The following C10orf88 variants were observed in gnomAD, a reference collection of about 807,000 sequenced individuals.
C10orf88 encodes ATPase PAAT.
C10orf88 carries 29 observed loss-of-function variants against 34.2 expected under a neutral mutation model. The ratio of observed to expected loss-of-function variants is 0.85; its 90% CI spans 0.63 to 1.16. The LOEUF (loss-of-function observed/expected upper bound fraction) is 1.16. Among genes scored for constraint, C10orf88 ranks in the 50% most tolerant of loss-of-function variants. The pLI, the probability that C10orf88 is intolerant of heterozygous loss-of-function variation, is 0.00. For missense variants in C10orf88, 507 were observed against 533.2 expected (o/e 0.95, Z 0.48); for synonymous variants, 194 against 197.4 (o/e 0.98, Z 0.15).
chr10:122,952,469 C>G (rs760228815), intron 2 of C10orf88, among the ~76,000 whole-genome samples: 1 of 152,222 alleles, frequency 6.6e-6, no homozygotes, highest in Non-Finnish European at 1.5e-5. Flanking sequence ...AAAATGTATT[C>G]AAAGTTCCAG....
At chr10:122,945,152 A>T (rs1393370976) in intron 4 of C10orf88, among the ~76,000 whole-genome samples, 2 of 151,992 alleles carry the variant, frequency 1.3e-5, no homozygotes. Context: ...CAATGGACCC[A>T]CATATGACAG....
In C10orf88 at chr10:122,951,994, T is replaced by A. The variant is rs964804729; in HGVS notation, c.401A>T (p.Asn134Ile). 1.2e-5 allele frequency: 19 copies of A among 1,531,560 alleles called. No homozygotes were observed. Among genetic ancestry groups the A allele is most frequent in the Admixed American group, 1.8e-5 (1 of 56,866 alleles). 94.9% of individuals were successfully genotyped at this position (1,531,560 alleles called of 1,614,324 possible). A position where few individuals can be genotyped will look rare whatever the true frequency, so the allele number is the denominator to read the frequency against. Residue 134 changes from asparagine (N) to isoleucine (I), a missense_variant, in exon 3 of 6, where the codon AAT becomes ATT. Coordinates refer to ENST00000481909, the MANE Select transcript of C10orf88 (RefSeq NM_024942.4). ...ATGTGTGGAGGACTCCAATTTTAGA[T>A]TTTTTTTATACAAAATGATCTTTTC... ...EHEKIILYKK[N>I]LKLESSTHAC...
chr10:122,951,967 G>C lies in C10orf88; in HGVS notation c.428C>G (p.Ala143Gly), dbSNP rs562776319. ...CTGACAACTTACCTTTATTTTACAAGCATGTGTGGAGGACTCCAATTTTAG... is the reference window on the plus strand; with the variant it reads ...CTGACAACTTACCTTTATTTTACAACCATGTGTGGAGGACTCCAATTTTAG... The part of the protein sequence containing the change: ...KNLKLESSTH[A>G]CKIKLLSFGE... The change falls in exon 3 of 6, where the codon GCT (alanine) becomes GGT (glycine). Residue 143 changes from alanine to glycine, a missense_variant. By Grantham distance (60) the Ala-to-Gly change is moderately conservative. Coordinates refer to ENST00000481909, the MANE Select transcript of C10orf88 (RefSeq NM_024942.4). 1.3e-6 allele frequency: 2 copies of C among 1,544,904 alleles called. No homozygotes were observed. The highest frequency in any genetic ancestry group is 4.5e-5 in the East Asian group (2 of 44,304).
intron 4 of C10orf88, among the ~76,000 whole-genome samples, chr10:122,945,950 A>T (rs543514642): frequency 1.4e-4 from 21 of 152,114 alleles, no homozygotes; most frequent in Non-Finnish European, 2.5e-4. Flanking sequence ...TAAAAAAATT[A>T]GTCTGGTGTG....
chr10:122,934,112 T>C (rs1848511511), intron 5 of C10orf88, among the ~76,000 whole-genome samples: 1 of 152,182 alleles, frequency 6.6e-6, no homozygotes, highest in African/African-American at 2.4e-5. Flanking sequence ...GTTGCAAAGA[T>C]ATTAGTTTCT....
chr10:122,936,545 T>C (rs952501758), intron 5 of C10orf88, among the ~76,000 whole-genome samples: 2 of 151,958 alleles, frequency 1.3e-5, no homozygotes, highest in Non-Finnish European at 2.9e-5. Flanking sequence ...TATAGGACTA[T>C]TCAGATTATT....
intron 5 of C10orf88, among the ~76,000 whole-genome samples, chr10:122,936,868 G>A (rs1848537886): frequency 6.6e-6 from 1 of 151,800 alleles, no homozygotes; most frequent in Admixed American, 6.6e-5. Flanking sequence ...TCTTGAATTT[G>A]GTCAGATTTG....
intron 3 of C10orf88, among the ~76,000 whole-genome samples, 178 bp downstream of exon 3, chr10:122,951,776 G>C (rs149989415): frequency 6.6e-6 from 1 of 152,002 alleles, no homozygotes; most frequent in Admixed American, 6.5e-5. Context: ...GTTGCAGTGA[G>C]CCATGATTGT....
intron 4 of C10orf88, among the ~76,000 whole-genome samples, chr10:122,940,532 T>G (rs1848572609): frequency 6.6e-6 from 1 of 152,044 alleles, no homozygotes; most frequent in Non-Finnish European, 1.5e-5. Context: ...TTTAAAAATT[T>G]GTTAAGAGGG....
Position 122,954,078 on chromosome 10 carries a change from G to A in C10orf88, c.101C>T (p.Thr34Ile), listed in dbSNP as rs776640776. 4 of 1,565,138 alleles carry A rather than the reference G, an allele frequency of 2.6e-6. No homozygotes were observed. The highest frequency in any genetic ancestry group is 2.6e-6 in the Non-Finnish European group (3 of 1,158,796). Residue 34 changes from threonine (T) to isoleucine (I), a missense_variant, in exon 1 of 6, where the codon ACC becomes ATC. Thr to Ile is a moderately conservative substitution (Grantham distance 89). Coordinates refer to ENST00000481909, the MANE Select transcript of C10orf88 (RefSeq NM_024942.4). Reference sequence around the variant, plus strand: ...GTCACCGGGGCCGAGACCGGCCCGGGTGAGGAGGAGGCTGTGGGTCAGGGC... The same window carrying A: ...GTCACCGGGGCCGAGACCGGCCCGGATGAGGAGGAGGCTGTGGGTCAGGGC... Reference protein sequence around the residue: ...GGALTHSLLLTRAGLGPGDFD... With the variant: ...GGALTHSLLLIRAGLGPGDFD...
chr10:122,940,384 A>G (rs1848571346), intron 4 of C10orf88, among the ~76,000 whole-genome samples: 2 of 151,986 alleles, frequency 1.3e-5, no homozygotes, highest in African/African-American at 4.8e-5. Context: ...AGAGAGTAGA[A>G]TGGTGGTTGC....
At chr10:122,936,261 T>G (rs1848533048) in intron 5 of C10orf88, among the ~76,000 whole-genome samples, 1 of 151,892 alleles carries the variant, frequency 6.6e-6, no homozygotes, top group East Asian at 1.9e-4. Flanking sequence ...GTTTGTAATA[T>G]TCCCTCCCTT....
intron 4 of C10orf88, among the ~76,000 whole-genome samples, chr10:122,939,018 C>T (rs570035823): frequency 2.6e-5 from 4 of 151,996 alleles, no homozygotes; most frequent in Non-Finnish European, 2.9e-5. Context: ...TGCTGTTCAA[C>T]AGCTGGTGAA....
At chr10:122,952,116 T>C (rs9804347) in intron 2 of C10orf88, 90 bp from the exon 3 acceptor site, 6 of 714,374 alleles carry the variant, frequency 8.4e-6, no homozygotes, top group Non-Finnish European at 1.4e-5. Context: ...CAGAACAATA[T>C]TGAAATCCTA....
Position 122,932,438 on chromosome 10 carries a change from CAT to C in C10orf88, c.1325_1326del (p.Asn442ArgfsTer38). ...RHYDSGERLS[N>X]GER Reference sequence around the variant, plus strand: ...TTTATGTTGAGAGCTTATCTTTCTCCATTTGAAAGTCTTTCTCCAGAGTCATA... The same window carrying C: ...TTTATGTTGAGAGCTTATCTTTCTCCTTGAAAGTCTTTCTCCAGAGTCATA... On this transcript the variant is annotated frameshift_variant, in exon 6 of 6. Transcript: ENST00000481909. LOFTEE classifies it high-confidence loss of function. 1 of 1,610,308 alleles carries C rather than the reference CAT, an allele frequency of 6.2e-7. No individual in the cohort carries two copies. Among genetic ancestry groups the C allele is most frequent in the Non-Finnish European group, 8.5e-7 (1 of 1,177,188 alleles).
Position 122,948,766 on chromosome 10 carries a change from A to T in C10orf88, c.531T>A (p.Ser177=). The T allele has an allele frequency of 6.2e-7, 1 of 1,614,000 alleles. No individual in the cohort carries two copies. The highest frequency in any genetic ancestry group is 1.1e-5 in the South Asian group (1 of 91,074). Reference sequence around the variant, plus strand: ...GGTCTATCCTTGATCCTAGAGCAGGAGAGCTTGTTGAAGAATTTGCAAAAA... The same window carrying T: ...GGTCTATCCTTGATCCTAGAGCAGGTGAGCTTGTTGAAGAATTTGCAAAAA... ...RSVFANSSTS[S]PALGSRIDLD... is the part of the protein sequence containing the mutation. The change falls in exon 4 of 6, where the codon TCT becomes TCA. Residue 177 remains serine (S), a synonymous_variant. Coordinates refer to ENST00000481909, the MANE Select transcript of C10orf88 (RefSeq NM_024942.4).
chr10:122,944,481 A>T (rs1049081243), intron 4 of C10orf88, among the ~76,000 whole-genome samples: 1 of 152,056 alleles, frequency 6.6e-6, no homozygotes, highest in African/African-American at 2.4e-5. Context: ...CATATGTAAC[A>T]AACCTGCACA....
At position 122,952,907 on chromosome 10, in the gene C10orf88, C is replaced by A; in HGVS notation, c.290G>T (p.Arg97Ile). Reference protein sequence around the residue: ...IASIGILSSARNMEVYLGEEY... With the variant: ...IASIGILSSAINMEVYLGEEY... ...CTCTCCTAAGTACACTTCCATATTT[C>A]TTGCTGAACTTAAAATGCCAATAGA... Residue 97 changes from arginine to isoleucine, a missense_variant, in exon 2 of 6, where the codon AGA becomes ATA. Physicochemically the swap from Arg to Ile is moderately conservative, Grantham distance 97 (BLOSUM62 -3). Transcript: ENST00000481909. 1 of 1,614,196 alleles carries A rather than the reference C, an allele frequency of 6.2e-7. No homozygotes were observed. Among genetic ancestry groups the A allele is most frequent in the Non-Finnish European group, 8.5e-7 (1 of 1,180,026 alleles).
chr10:122,949,767 C>T lies in C10orf88; in HGVS notation c.442-912G>A, dbSNP rs183843377. 2.0e-5 allele frequency among the ~76,000 whole-genome samples: 3 copies of T among 152,242 alleles called. No homozygotes were observed. In the East Asian group the frequency reaches 5.8e-4, roughly 29 times the overall value. On this transcript the variant is annotated intron_variant, in intron 3 of 5. Coordinates refer to ENST00000481909, the MANE Select transcript of C10orf88 (RefSeq NM_024942.4). ...ATACCAATCTGAGACCTTAACACACCACAACTTGCTACTTAACACAAAATA... is the reference window on the plus strand; with the variant it reads ...ATACCAATCTGAGACCTTAACACACTACAACTTGCTACTTAACACAAAATA...
Sources: allele counts gnomAD v4.1 joint callset (sites outside exome capture counted in the v4.1 genomes callset), GRCh38; gene constraint gnomAD v4.1.1; transcripts MANE v1.5; gene names NCBI Gene and HGNC (gene_info 2026-07-23, HGNC 2026-07-21).